Variants in DKKL1 observed in about 807,000 individuals in gnomAD.
DKKL1 encodes dickkopf-like protein 1.
Under a neutral mutation model 16.5 loss-of-function variants are expected in DKKL1, and 11 were observed. The ratio of observed to expected loss-of-function variants is 0.67; its 90% CI spans 0.42 to 1.10. DKKL1 has a LOEUF of 1.10. Among genes scored for constraint, DKKL1 ranks in the 50% least tolerant of loss-of-function variants. DKKL1 has a pLI of 0.00. For synonymous variants in DKKL1, 119 were observed against 133.2 expected, an observed-to-expected ratio of 0.89 and a Z score of 0.73; for missense variants, 320 against 308.1, an observed-to-expected ratio of 1.04 and a Z score of -0.29.
At chr19:49,367,724 T>G (rs954370485) in intron 4 of DKKL1, among the ~76,000 whole-genome samples, 1 of 152,170 alleles carries the variant, frequency 6.6e-6, no homozygotes, top group Non-Finnish European at 1.5e-5. Context: ...TTTGGTAAAC[T>G]TCTACAAGTG....
intron 4 of DKKL1, chr19:49,368,650 G>A (rs1169409436): frequency 2.0e-5 from 3 of 152,228 alleles, no homozygotes; most frequent in South Asian, 2.1e-4. Context: ...CTAGGTTGTG[G>A]AAAGTAAAAA....
chr19:49,363,858 G>A, upstream of DKKL1: 2 of 1,242,760 alleles, frequency 1.6e-6, no homozygotes, highest in Non-Finnish European at 1.1e-6. Flanking sequence ...CTCGCGGAGC[G>A]CAACCAACGC....
At chr19:49,367,637 C>T (rs1349091374) in intron 4 of DKKL1, among the ~76,000 whole-genome samples, 1 of 152,078 alleles carries the variant, frequency 6.6e-6, no homozygotes, top group Non-Finnish European at 1.5e-5. Flanking sequence ...AACTCCTGAC[C>T]TCAGGTGATC....
At chr19:49,364,949 T>C (rs539160133) in intron 2 of DKKL1, among the ~76,000 whole-genome samples, 195 bp downstream of exon 2, 2 of 151,646 alleles carry the variant, frequency 1.3e-5, no homozygotes, top group African/African-American at 2.4e-5. Flanking sequence ...AGAAGGATCA[T>C]TGGAGCCCAG....
chr19:49,362,117 GC>G (rs1217599718), upstream of DKKL1, among the ~76,000 whole-genome samples: 1 of 151,950 alleles, frequency 6.6e-6, no homozygotes, highest in Middle Eastern at 3.2e-3. Context: ...CCCCGCCAGC[GC>G]CCTTGGCCCG....
At chr19:49,371,273 G>T (rs1227524322) in intron 4 of DKKL1, 1 of 152,196 alleles carries the variant, frequency 6.6e-6, no homozygotes, top group Non-Finnish European at 1.5e-5. Flanking sequence ...ACACCTGGAA[G>T]GGCCGGGTCA....
chr19:49,362,919 G>GTTGTTTTTTTT (rs1568588572), upstream of DKKL1, among the ~76,000 whole-genome samples: 5 of 130,258 alleles, frequency 3.8e-5, 1 homozygote, highest in African/African-American at 1.3e-4. Flanking sequence ...TGGTTTTTTT[G>GTTGTTTTTTTT]TTTTTTGTTT....
At chr19:49,369,181 A>AGGC (rs1973375591) in intron 4 of DKKL1, 1 of 152,092 alleles carries the variant, frequency 6.6e-6, no homozygotes, top group Non-Finnish European at 1.5e-5. Flanking sequence ...TTGCTGAGAA[A>AGGC]ACTTTTTGTC....
At chr19:49,363,339 G>A (rs961294253), upstream of DKKL1, among the ~76,000 whole-genome samples, 1 of 152,258 alleles carries the variant, frequency 6.6e-6, no homozygotes, top group Non-Finnish European at 1.5e-5. Flanking sequence ...GGACTTTTTA[G>A]TGGAGCGGGA....
At chr19:49,360,539 A>C (rs1406900290), upstream of DKKL1, 1 of 163,158 alleles carries the variant, frequency 6.1e-6, no homozygotes, top group Non-Finnish European at 1.3e-5. Context: ...AGTAATGCCG[A>C]GGGCCATGAA....
chr19:49,374,721 C>T lies in DKKL1; in HGVS notation c.422C>T (p.Pro141Leu). 6.5e-7 allele frequency: 1 copy of T among 1,526,738 alleles called. No individual in the cohort carries two copies. The highest frequency in any genetic ancestry group is 8.8e-7 in the Non-Finnish European group (1 of 1,136,742). The allele number at this position is 1,526,738 out of a possible 1,614,324, so 94.6% of individuals were successfully genotyped here. Residue 141 changes from proline (P) to leucine (L), a missense_variant, in exon 5 of 5, where the codon CCC (proline) becomes CTC (leucine). Transcript: ENST00000221498. ...CTCCTTGTTCTTCCTCCCCAGGTAC[C>T]CAGGATGGAGGAGAAGGAGGCCCTG... ...EGSFEGDLKV[P>L]RMEEKEALVP...
At chr19:49,370,884 C>T (rs1973455432) in intron 4 of DKKL1, 1 of 152,210 alleles carries the variant, frequency 6.6e-6, no homozygotes, top group Admixed American at 6.5e-5. Context: ...AAAAAGATTG[C>T]TTCGCCATTC....
chr19:49,365,693 C>T (rs1973221691), intron 3 of DKKL1, 44 bp downstream of exon 3: 4 of 1,596,742 alleles, frequency 2.5e-6, no homozygotes, highest in Non-Finnish European at 3.4e-6. Context: ...CTTGGGATCC[C>T]TCCATCCCGC....
intron 4 of DKKL1, among the ~76,000 whole-genome samples, chr19:49,374,256 G>A (rs1966405315): frequency 6.6e-6 from 1 of 152,196 alleles, no homozygotes; most frequent in Admixed American, 6.5e-5. Flanking sequence ...ACAGTGCTGG[G>A]ATTACAGGCA....
rs751730042 is a variant in DKKL1, at chr19:49,365,798, C to G, written c.330C>G (p.Thr110=). The part of the protein sequence containing the change: ...LSSHLQIDKM[T]DNKTGEVLIS... ...CTCTCATCGGATCCTCACAGATGAC[C>G]GACAACAAGACAGGAGAGGTGCTGA... is the stretch of plus-strand genomic sequence containing the variant. The change falls in exon 4 of 5, where the codon ACC becomes ACG. Residue 110 remains threonine, a synonymous_variant. Transcript: ENST00000221498. 5 of 1,613,558 alleles carry G rather than the reference C, an allele frequency of 3.1e-6. No homozygotes were observed. The highest frequency in any genetic ancestry group is 4.2e-6 in the Non-Finnish European group (5 of 1,179,868).
upstream of DKKL1, chr19:49,362,403 G>A (rs1973021157): frequency 6.6e-6 from 1 of 152,166 alleles, no homozygotes; most frequent in African/African-American, 2.4e-5. Context: ...AGCCGCGGGC[G>A]GGCGGGGCGC....
At position 49,363,888 on chromosome 19, in the gene DKKL1, C is replaced by A; in HGVS notation, c.-111C>A. 6.8e-7 allele frequency: 1 copy of A among 1,466,758 alleles called. No individual in the cohort carries two copies. The highest frequency in any genetic ancestry group is 9.3e-7 in the Non-Finnish European group (1 of 1,072,128). 90.9% of individuals were successfully genotyped at this position (1,466,758 alleles called of 1,614,324 possible). ...CAACGCTCTAGACCAGACCTGGGCT[C>A]GAGACCATAACTGTTTGGCTTTAAC... On this transcript the variant is annotated 5_prime_UTR_variant, in exon 1 of 5. Coordinates refer to ENST00000221498, the MANE Select transcript of DKKL1 (RefSeq NM_014419.4).
rs775034787 is a variant in DKKL1, at chr19:49,375,008, A to G, written c.709A>G (p.Arg237Gly). 6.2e-7 allele frequency: 1 copy of G among 1,609,226 alleles called. No homozygotes were observed. ...AAAGACCCACTTACTGTACATCCTC[A>G]GGCCCTCTCGGCAGCTGTAGGGGTG... ...PRKTHLLYIL[R>G]PSRQL Residue 237 changes from arginine to glycine, a missense_variant, in exon 5 of 5, where the codon AGG becomes GGG. By Grantham distance (125) the Arg-to-Gly change is moderately radical. Coordinates refer to ENST00000221498, the MANE Select transcript of DKKL1 (RefSeq NM_014419.4).
Position 49,364,677 on chromosome 19 carries a change from G to T in DKKL1, c.106G>T (p.Ala36Ser), listed in dbSNP as rs1373018377. ...CTCCGCTGCAGCTCCTATCCATGAT[G>T]CTGACGCCCAAGAGAGCTCCTTGGG... is the stretch of plus-strand genomic sequence containing the variant. ...IPSAAAPIHD[A>S]DAQESSLGLT... is the part of the protein sequence containing the mutation. Residue 36 changes from alanine (A) to serine (S), a missense_variant, in exon 2 of 5, where the codon GCT becomes TCT. Ala to Ser is a moderately conservative substitution (Grantham distance 99, BLOSUM62 1). Coordinates refer to ENST00000221498, the MANE Select transcript of DKKL1 (RefSeq NM_014419.4). The T allele has an allele frequency of 6.2e-7, 1 of 1,614,182 alleles. No homozygotes were observed. The highest frequency in any genetic ancestry group is 8.5e-7 in the Non-Finnish European group (1 of 1,180,042).
Sources: allele counts gnomAD v4.1 joint callset (sites outside exome capture counted in the v4.1 genomes callset), GRCh38; gene constraint gnomAD v4.1.1; transcripts MANE v1.5; gene names NCBI Gene and HGNC (gene_info 2026-07-23, HGNC 2026-07-21).